The following FAAH2 variants were observed in gnomAD, a reference collection of about 807,000 sequenced individuals.
FAAH2 encodes the protein fatty acid amide hydrolase 2, also known as fatty-acid amide hydrolase 2.
A neutral mutation model predicts 36.9 loss-of-function variants in FAAH2; 60 were observed. The observed-to-expected ratio is 1.63, with a 90% CI of 1.32 to 2.02. FAAH2 has a LOEUF of 2.02. Ranked by LOEUF, FAAH2 falls within the 30% of genes most tolerant of loss-of-function variation. The pLI is 0.00. For synonymous variants in FAAH2, 214 were observed against 143.8 expected, an observed-to-expected ratio of 1.49 and a Z score of -3.49; for missense variants, 689 against 397.5, an observed-to-expected ratio of 1.73 and a Z score of -6.23.
intron 10 of FAAH2, among the ~76,000 whole-genome samples, chrX:57,462,956 C>A (rs1171693418): frequency 8.9e-6 from 1 of 111,782 alleles, no homozygotes; most frequent in East Asian, 2.8e-4. Context: ...GCAACTCCAG[C>A]AGTTTCATGA....
intron 7 of FAAH2, among the ~76,000 whole-genome samples, chrX:57,387,931 A>G (rs1393427750): frequency 9.0e-6 from 1 of 111,249 alleles, no homozygotes; most frequent in Non-Finnish European, 1.9e-5. Context: ...GAGGTGGGGT[A>G]AGGATGTGTG....
At chrX:57,356,656 C>T (rs1333426193) in intron 5 of FAAH2, among the ~76,000 whole-genome samples, 2 of 110,818 alleles carry the variant, frequency 1.8e-5, no homozygotes, top group East Asian at 5.6e-4. Flanking sequence ...CTTAGTCAAC[C>T]TAGCTACAAG....
chrX:57,426,877 G>C (rs2056174863), intron 7 of FAAH2, among the ~76,000 whole-genome samples: 1 of 110,413 alleles, frequency 9.1e-6, no homozygotes, highest in African/African-American at 3.3e-5. Context: ...AAATCTAATA[G>C]AAGAAAAATA....
intron 5 of FAAH2, among the ~76,000 whole-genome samples, chrX:57,372,546 A>C (rs2054577491): frequency 9.1e-6 from 1 of 110,228 alleles, no homozygotes; most frequent in South Asian, 3.8e-4. Flanking sequence ...GAATATCTTT[A>C]TTTTTATATT....
At chrX:57,346,785 A>T (rs2053833341) in intron 5 of FAAH2, among the ~76,000 whole-genome samples, 1 of 111,570 alleles carries the variant, frequency 9.0e-6, no homozygotes, top group Admixed American at 9.6e-5. Context: ...GTGGTAACAC[A>T]CTTCATCTGG....
the FAAH2 span, among the ~76,000 whole-genome samples, chrX:57,177,385 A>C: frequency 9.4e-6 from 1 of 106,407 alleles, no homozygotes; most frequent in African/African-American, 3.4e-5. Flanking sequence ...TGCAACCTGG[A>C]AGGCACTCCT....
At chrX:57,437,798 T>C (rs2056441800) in intron 8 of FAAH2, among the ~76,000 whole-genome samples, 1 of 102,446 alleles carries the variant, frequency 9.8e-6, no homozygotes, top group Non-Finnish European at 2.0e-5. Context: ...TTAAATATGT[T>C]ATAATCAGAT....
At chrX:57,183,819 T>G in the FAAH2 span, among the ~76,000 whole-genome samples, 3 of 111,320 alleles carry the variant, frequency 2.7e-5, no homozygotes, top group African/African-American at 9.8e-5. Flanking sequence ...TGACTGCCTG[T>G]GGGGTCGGGC....
chrX:57,430,635 C>T (rs2056273151), intron 7 of FAAH2, among the ~76,000 whole-genome samples: 1 of 112,242 alleles, frequency 8.9e-6, no homozygotes, highest in African/African-American at 3.2e-5. Flanking sequence ...CTAACAATGT[C>T]ATAGGTCTGC....
intron 7 of FAAH2, among the ~76,000 whole-genome samples, chrX:57,396,712 T>C (rs1187164176): frequency 2.7e-5 from 3 of 112,188 alleles, no homozygotes. Flanking sequence ...GATATAATTA[T>C]TATTTTTTCA....
chrX:57,432,068 T>A, intron 8 of FAAH2, 31 bp downstream of exon 8: 2 of 1,155,188 alleles, frequency 1.7e-6, no homozygotes, highest in Non-Finnish European at 2.3e-6. Flanking sequence ...ACTTACTTTT[T>A]TCTTTGTGTA....
intron 10 of FAAH2, among the ~76,000 whole-genome samples, chrX:57,466,672 C>G (rs1285744478): frequency 9.0e-6 from 1 of 110,869 alleles, no homozygotes; most frequent in African/African-American, 3.3e-5. Context: ...TAGATTGAAA[C>G]TAAAAGGATG....
At chrX:57,220,557 T>A in the FAAH2 span, among the ~76,000 whole-genome samples, 4 of 112,207 alleles carry the variant, frequency 3.6e-5, no homozygotes, top group African/African-American at 1.3e-4. Flanking sequence ...TCCTTCTTAA[T>A]TTAGCCTTCA....
At chrX:57,406,013 A>G (rs1169250803) in intron 7 of FAAH2, among the ~76,000 whole-genome samples, 1 of 109,852 alleles carries the variant, frequency 9.1e-6, no homozygotes, top group Admixed American at 9.8e-5. Context: ...GTGTCAAAAC[A>G]ATCTCCCTTA....
upstream of FAAH2, among the ~76,000 whole-genome samples, chrX:57,282,518 G>A (rs1000655772): frequency 9.0e-6 from 1 of 111,689 alleles, no homozygotes; most frequent in South Asian, 3.7e-4. Flanking sequence ...TGTTTACTCC[G>A]TTGATGGTTT....
At chrX:57,449,093 G>T (rs1031790288) in intron 10 of FAAH2, among the ~76,000 whole-genome samples, 1 of 111,634 alleles carries the variant, frequency 9.0e-6, no homozygotes, top group Non-Finnish European at 1.9e-5. Flanking sequence ...GAAGATTCTT[G>T]TACAGAAGAC....
At chrX:57,256,902 C>T in the FAAH2 span, among the ~76,000 whole-genome samples, 2 of 112,052 alleles carry the variant, frequency 1.8e-5, no homozygotes, top group Non-Finnish European at 3.8e-5. Context: ...AGGCACTTCT[C>T]AAAAGAAGAA....
At chrX:57,418,366 C>T (rs936998039) in intron 7 of FAAH2, among the ~76,000 whole-genome samples, 9 of 111,777 alleles carry the variant, frequency 8.1e-5, no homozygotes, top group Admixed American at 5.7e-4. Flanking sequence ...GTGTAGGCAC[C>T]TGAGGGAATC....
chrX:57,283,723 G>A (rs1401292177), upstream of FAAH2, among the ~76,000 whole-genome samples: 1 of 111,401 alleles, frequency 9.0e-6, no homozygotes, highest in Non-Finnish European at 1.9e-5. Flanking sequence ...TGGCTGCAGC[G>A]TGCTGGAGGC....
Sources: gnomAD v4.1 joint callset for allele counts (sites outside exome capture counted in the v4.1 genomes callset) on GRCh38, gnomAD v4.1.1 for gene constraint, MANE v1.5 for transcripts, NCBI Gene and HGNC (gene_info 2026-07-23, HGNC 2026-07-21) for gene names.